Variants in KHDRBS3 observed in about 807,000 individuals in gnomAD.
KHDRBS3 encodes the protein KH RNA binding domain containing, signal transduction associated 3.
A neutral mutation model predicts 45.6 loss-of-function variants in KHDRBS3; 23 were observed. The ratio of observed to expected loss-of-function variants is 0.50; its 90% CI spans 0.36 to 0.72. The LOEUF is 0.72. Ranked by LOEUF, KHDRBS3 falls within the 30% of genes least tolerant of loss-of-function variation. The pLI, the probability that KHDRBS3 is intolerant of heterozygous loss-of-function variation, is 0.00. For synonymous variants in KHDRBS3, 162 were observed against 156.5 expected (o/e 1.04, Z -0.26); for missense variants, 352 against 424.8 (o/e 0.83, Z 1.51).
At chr8:135,469,679 C>G (rs1041570455) in intron 1 of KHDRBS3, among the ~76,000 whole-genome samples, 2 of 152,198 alleles carry the variant, frequency 1.3e-5, no homozygotes, top group Admixed American at 6.5e-5. Context: ...CAGGCATGTG[C>G]CACTATTCCC....
chr8:135,490,391 C>A (rs1823085295), intron 1 of KHDRBS3, among the ~76,000 whole-genome samples: 1 of 152,090 alleles, frequency 6.6e-6, no homozygotes, highest in South Asian at 2.1e-4. Context: ...TCTCCTGTCT[C>A]CCTACCTCTT....
chr8:135,522,884 C>T (rs1824990101), intron 2 of KHDRBS3, among the ~76,000 whole-genome samples: 1 of 152,062 alleles, frequency 6.6e-6, no homozygotes, highest in Non-Finnish European at 1.5e-5. Flanking sequence ...ATATGGTTAT[C>T]TAGTTTTTCT....
intron 5 of KHDRBS3, among the ~76,000 whole-genome samples, chr8:135,574,063 T>G (rs772408692): frequency 2.8e-4 from 42 of 152,212 alleles, no homozygotes; most frequent in Non-Finnish European, 8.8e-5. Context: ...CATCCCCATG[T>G]TATCAATCCA....
At chr8:135,575,265 C>G (rs919588359) in intron 5 of KHDRBS3, among the ~76,000 whole-genome samples, 1 of 152,162 alleles carries the variant, frequency 6.6e-6, no homozygotes, top group African/African-American at 2.4e-5. Flanking sequence ...TGGCTTAACC[C>G]AGTAGAAATA....
chr8:135,642,664 A>T (rs1831111488), intron 7 of KHDRBS3, among the ~76,000 whole-genome samples: 1 of 152,228 alleles, frequency 6.6e-6, no homozygotes, highest in Non-Finnish European at 1.5e-5. Flanking sequence ...AGAGAGCTCA[A>T]ATCATAACCT....
intron 1 of KHDRBS3, among the ~76,000 whole-genome samples, chr8:135,476,482 C>T (rs914888679): frequency 3.3e-5 from 5 of 152,214 alleles, no homozygotes; most frequent in Admixed American, 1.3e-4. Context: ...TCCTCTTTAA[C>T]TGCTGCATTT....
At chr8:135,605,103 C>G (rs904937731) in intron 6 of KHDRBS3, among the ~76,000 whole-genome samples, 1 of 152,006 alleles carries the variant, frequency 6.6e-6, no homozygotes, top group Non-Finnish European at 1.5e-5. Context: ...ATAACCATGT[C>G]TACATTTGAG....
At chr8:135,588,336 A>G (rs890780214) in intron 6 of KHDRBS3, among the ~76,000 whole-genome samples, 1 of 152,174 alleles carries the variant, frequency 6.6e-6, no homozygotes, top group Non-Finnish European at 1.5e-5. Flanking sequence ...TGGGGAGGGC[A>G]TTCCACACCC....
rs1406191633 is a variant in KHDRBS3, at chr8:135,457,908, C to T, written c.42C>T (p.Asp14=). 6.2e-7 allele frequency: 1 copy of T among 1,602,078 alleles called. No individual in the cohort carries two copies. The highest frequency in any genetic ancestry group is 1.1e-5 in the South Asian group (1 of 89,402). Reference sequence around the variant, plus strand: ...TGCCCGAGCTGATGGCGGAGAAGGACTCCCTGGACCCCTCCTTCACGCACG... The same window carrying T: ...TGCCCGAGCTGATGGCGGAGAAGGATTCCCTGGACCCCTCCTTCACGCACG... ...KYLPELMAEK[D]SLDPSFTHAL... is the part of the protein sequence containing the mutation. The change falls in exon 1 of 9, where the codon GAC becomes GAT. Residue 14 remains aspartate (D), a synonymous_variant. Coordinates refer to ENST00000355849, the MANE Select transcript of KHDRBS3 (RefSeq NM_006558.3). The surrounding 1 kb of genome is among the most constrained non-coding windows in gnomAD (Gnocchi z 4.4).
chr8:135,575,926 A>T (rs1827926990), intron 5 of KHDRBS3, among the ~76,000 whole-genome samples: 1 of 152,184 alleles, frequency 6.6e-6, no homozygotes, highest in Admixed American at 6.5e-5. Context: ...CTGGAATACA[A>T]CATCACGTTG....
intron 1 of KHDRBS3, among the ~76,000 whole-genome samples, chr8:135,478,012 CAT>C (rs1394719091): frequency 6.6e-6 from 1 of 152,190 alleles, no homozygotes; most frequent in Non-Finnish European, 1.5e-5. Flanking sequence ...ATTAGAGTCT[CAT>C]AGGAGTACAA....
intron 1 of KHDRBS3, among the ~76,000 whole-genome samples, chr8:135,495,010 G>A (rs1355418089): frequency 2.0e-5 from 3 of 152,202 alleles, no homozygotes; most frequent in Non-Finnish European, 4.4e-5. Context: ...ACCTGGAGGA[G>A]CTCTCTTAAG....
At chr8:135,580,811 C>G (rs559229785) in intron 5 of KHDRBS3, among the ~76,000 whole-genome samples, 1 of 152,136 alleles carries the variant, frequency 6.6e-6, no homozygotes, top group Admixed American at 6.5e-5. Context: ...TGGAGTTTTG[C>G]CATGTTGACC....
intron 5 of KHDRBS3, among the ~76,000 whole-genome samples, chr8:135,565,041 G>A (rs767807708): frequency 6.6e-6 from 1 of 152,144 alleles, no homozygotes; most frequent in Non-Finnish European, 1.5e-5. Context: ...AGAGCGTAGG[G>A]GCTGCGAGTC....
intron 5 of KHDRBS3, among the ~76,000 whole-genome samples, chr8:135,577,099 T>G (rs1208727193): frequency 7.0e-6 from 1 of 143,814 alleles, no homozygotes; most frequent in African/African-American, 2.6e-5. Context: ...GAACAGTGCT[T>G]ATTTACGGTT....
At chr8:135,578,043 T>C (rs1003603113) in intron 5 of KHDRBS3, among the ~76,000 whole-genome samples, 1 of 152,194 alleles carries the variant, frequency 6.6e-6, no homozygotes, top group Non-Finnish European at 1.5e-5. Flanking sequence ...TTTGGTGAGT[T>C]GTCTGTTCAA....
chr8:135,592,183 G>A (rs1001100868), intron 6 of KHDRBS3, among the ~76,000 whole-genome samples: 1 of 152,038 alleles, frequency 6.6e-6, no homozygotes, highest in Non-Finnish European at 1.5e-5. Context: ...CTTATTTTAG[G>A]AATGTAAGAC....
intron 2 of KHDRBS3, among the ~76,000 whole-genome samples, chr8:135,526,654 A>G (rs1417915331): frequency 6.6e-6 from 1 of 152,216 alleles, no homozygotes; most frequent in African/African-American, 2.4e-5. Context: ...CTGATGGTAC[A>G]CTTCCAGCTT....
Position 135,607,027 on chromosome 8 carries a change from C to G in KHDRBS3, c.880C>G (p.Pro294Ala). 1.2e-6 allele frequency: 2 copies of G among 1,612,532 alleles called. No individual in the cohort carries two copies. The highest frequency in any genetic ancestry group is 1.1e-5 in the South Asian group (1 of 90,870). ...TTCCTATGATAACAGCTATAGCACC[C>G]CAGCCCAAAGGTAAGAGTCAGTCTT... ...YDSYDNSYST[P>A]AQSGADYYDY... Residue 294 changes from proline to alanine, a missense_variant, in exon 7 of 9, where the codon CCA becomes GCA. Pro to Ala is a conservative substitution (Grantham distance 27). Coordinates refer to ENST00000355849, the MANE Select transcript of KHDRBS3 (RefSeq NM_006558.3).
Sources: gnomAD v4.1 joint callset for allele counts (sites outside exome capture counted in the v4.1 genomes callset) on GRCh38, gnomAD v4.1.1 for gene constraint, Gnocchi (gnomAD v3.1) non-coding constraint, MANE v1.5 for transcripts, NCBI Gene and HGNC (gene_info 2026-07-23, HGNC 2026-07-21) for gene names.